Variants in MID1 observed in about 807,000 individuals in gnomAD.
MID1 encodes midline 1.
A neutral mutation model predicts 40.4 loss-of-function variants in MID1; 7 were observed. That is an observed-to-expected ratio of 0.17 (90% CI 0.10 to 0.33). The LOEUF is 0.33. Among genes scored for constraint, MID1 ranks in the 10% least tolerant of loss-of-function variants. MID1 has a pLI of 1.00. For synonymous variants in MID1, 229 were observed against 221.2 expected (o/e 1.04, Z -0.31); for missense variants, 367 against 558.5 (o/e 0.66, Z 3.46).
intron 1 of MID1, among the ~76,000 whole-genome samples, chrX:10,630,535 C>T (rs779702089): frequency 3.0e-5 from 3 of 101,576 alleles, no homozygotes; most frequent in South Asian, 4.4e-4. Context: ...TGTATGTGTG[C>T]GGGGGGCGGG....
chrX:10,447,064 C>T lies in MID1; in HGVS notation c.*2304G>A, dbSNP rs778992414. On this transcript the variant is annotated 3_prime_UTR_variant, in exon 10 of 10. Transcript: ENST00000317552. ...TCATTATAGTAATTAAACACGGTGG[C>T]CTTTCACCATATACATATTTTCCTG... is the stretch of plus-strand genomic sequence containing the variant. The T allele has an allele frequency of 2.7e-5, 3 of 111,495 alleles. No individual in the cohort carries two copies. The highest frequency in any genetic ancestry group is 9.8e-5 in the African/African-American group (3 of 30,659). The allele number at this position is 111,495 out of a possible 1,213,427, so 9.2% of individuals were successfully genotyped here. A position where few individuals can be genotyped will look rare whatever the true frequency, so the allele number is the denominator to read the frequency against.
chrX:10,473,510 T>C (rs147461817), intron 6 of MID1, among the ~76,000 whole-genome samples: 2 of 112,142 alleles, frequency 1.8e-5, no homozygotes, highest in East Asian at 2.8e-4. Context: ...CTGGGTACAA[T>C]GCTCCCTGAA....
intron 1 of MID1, among the ~76,000 whole-genome samples, chrX:10,574,582 T>C (rs1287700449): frequency 3.6e-5 from 4 of 112,153 alleles, no homozygotes; most frequent in Non-Finnish European, 7.5e-5. Context: ...AATGGAGGCA[T>C]TGACCTTTTT....
chrX:10,584,155 G>A (rs1253295521), intron 1 of MID1, among the ~76,000 whole-genome samples: 1 of 111,674 alleles, frequency 9.0e-6, no homozygotes, highest in Non-Finnish European at 1.9e-5. Context: ...CAAAAGAGCA[G>A]GAGAGGAAGA....
intron 1 of MID1, among the ~76,000 whole-genome samples, chrX:10,721,662 A>G (rs760936081): frequency 9.1e-6 from 1 of 110,488 alleles, no homozygotes; most frequent in Non-Finnish European, 1.9e-5. Context: ...AACTTCCTTA[A>G]CAAATGATGC....
intron 2 of MID1, among the ~76,000 whole-genome samples, chrX:10,549,951 C>T (rs1390004903): frequency 8.9e-6 from 1 of 112,656 alleles, no homozygotes; most frequent in Admixed American, 9.4e-5. Context: ...TGAAGACTCA[C>T]ATCTGATTTA....
chrX:10,449,484 C>G lies in MID1; in HGVS notation c.1888G>C (p.Asp630His). Residue 630 changes from aspartate to histidine, a missense_variant, in exon 10 of 10, where the codon GAC becomes CAC. By Grantham distance (81) the Asp-to-His change is moderately conservative. Transcript: ENST00000317552. ...ALNSIHLYTF[D>H]VAFAQPVCPT... Reference sequence around the variant, plus strand: ...CAAACAGGCTGCGCAAATGCGACGTCGAAGGTGTAGAGGTGGATGGAGTTC... The same window carrying G: ...CAAACAGGCTGCGCAAATGCGACGTGGAAGGTGTAGAGGTGGATGGAGTTC... The G allele has an allele frequency of 8.3e-7, 1 of 1,211,472 alleles. No homozygotes were observed. Among genetic ancestry groups the G allele is most frequent in the Non-Finnish European group, 1.1e-6 (1 of 895,386 alleles).
intron 1 of MID1, among the ~76,000 whole-genome samples, chrX:10,614,113 G>C (rs1181435293): frequency 9.0e-6 from 1 of 110,790 alleles, no homozygotes; most frequent in Non-Finnish European, 1.9e-5. Flanking sequence ...TCAGTTCCAA[G>C]ATAAGCAGAC....
At chrX:10,757,470 T>C in intron 1 of MID1, among the ~76,000 whole-genome samples, 1 of 112,375 alleles carries the variant, frequency 8.9e-6, no homozygotes, top group South Asian at 3.7e-4. Context: ...ATCAATGGGA[T>C]GGAACATCTT....
chrX:10,712,248 C>A (rs150952100), intron 1 of MID1, among the ~76,000 whole-genome samples: 1 of 110,658 alleles, frequency 9.0e-6, no homozygotes, highest in African/African-American at 3.3e-5. Flanking sequence ...CAACTGGCAG[C>A]GGGGAAAGGG....
At chrX:10,647,548 A>G (rs765797857) in intron 1 of MID1, among the ~76,000 whole-genome samples, 80 of 111,837 alleles carry the variant, frequency 7.2e-4, no homozygotes, top group African/African-American at 2.4e-3. Context: ...AAAATAAAAA[A>G]CCCTGAAAAA....
intron 5 of MID1, among the ~76,000 whole-genome samples, chrX:10,481,936 C>T (rs1930351814): frequency 8.9e-6 from 1 of 111,800 alleles, no homozygotes; most frequent in Non-Finnish European, 1.9e-5. Flanking sequence ...TAAAAGAAGC[C>T]CGTATGAGGT....
At chrX:10,567,701 C>A in intron 1 of MID1, 98 bp from the exon 2 acceptor site, 1 of 552,955 alleles carries the variant, frequency 1.8e-6, no homozygotes, top group South Asian at 2.7e-5. Context: ...AAACACAGGT[C>A]ATGAAAGGGT....
intron 1 of MID1, among the ~76,000 whole-genome samples, chrX:10,729,144 T>C (rs1264187138): frequency 8.9e-6 from 1 of 112,005 alleles, no homozygotes; most frequent in African/African-American, 3.2e-5. Context: ...GCTCACTCAC[T>C]GTCCTTTCCT....
At chrX:10,810,159 A>G (rs1451745519) in intron 1 of MID1, among the ~76,000 whole-genome samples, 1 of 111,729 alleles carries the variant, frequency 9.0e-6, no homozygotes, top group African/African-American at 3.3e-5. Context: ...TCATTAGACA[A>G]GAACTTCCCA....
At chrX:10,625,053 G>A (rs1223310432), upstream of MID1, among the ~76,000 whole-genome samples, 4 of 111,715 alleles carry the variant, frequency 3.6e-5, no homozygotes, top group East Asian at 2.8e-4. Flanking sequence ...AATTTAAAGA[G>A]GAAAATTATT....
intron 1 of MID1, among the ~76,000 whole-genome samples, chrX:10,684,886 G>A (rs768811173): frequency 7.2e-5 from 8 of 111,194 alleles, no homozygotes; most frequent in Non-Finnish European, 1.5e-4. Context: ...GCCTATTTAC[G>A]GTTAATTCCT....
intron 4 of MID1, among the ~76,000 whole-genome samples, chrX:10,490,474 G>A (rs972048451): frequency 1.1e-4 from 12 of 110,674 alleles, no homozygotes; most frequent in African/African-American, 3.9e-4. Flanking sequence ...TCCTACTCTG[G>A]GATCATATGT....
intron 1 of MID1, among the ~76,000 whole-genome samples, chrX:10,758,185 G>A (rs956361658): frequency 9.6e-6 from 1 of 104,498 alleles, no homozygotes; most frequent in Non-Finnish European, 1.9e-5. Flanking sequence ...ATGTTGCCCA[G>A]GCTCGTCTGG....
Sources: allele counts gnomAD v4.1 joint callset (sites outside exome capture counted in the v4.1 genomes callset), GRCh38; gene constraint gnomAD v4.1.1; transcripts MANE v1.5; gene names NCBI Gene and HGNC (gene_info 2026-07-23, HGNC 2026-07-21).